UBE2E2: variants seen among roughly 807,000 people sequenced by gnomAD.
The protein encoded by UBE2E2 is ubiquitin conjugating enzyme E2 E2, also known as ubiquitin-conjugating enzyme E2 E2.
In UBE2E2, 6 loss-of-function variants were observed where a neutral mutation model predicts 24.7. That is an observed-to-expected ratio of 0.24 (90% CI 0.13 to 0.48). The LOEUF (loss-of-function observed/expected upper bound fraction) is 0.48, where lower values mean the gene tolerates loss of function less well. UBE2E2 is among the 20% of genes least tolerant of loss of function. The pLI is 0.99. For missense variants in UBE2E2, 169 were observed against 245.0 expected, an observed-to-expected ratio of 0.69 and a Z score of 2.07; for synonymous variants, 104 against 83.6, an observed-to-expected ratio of 1.24 and a Z score of -1.33.
chr3:23,248,088 A>G (rs1697462676), intron 3 of UBE2E2, among the ~76,000 whole-genome samples: 1 of 152,218 alleles, frequency 6.6e-6, no homozygotes, highest in Admixed American at 6.5e-5. Flanking sequence ...CACTATTGCA[A>G]AAGTGTAGAT....
intron 5 of UBE2E2, among the ~76,000 whole-genome samples, chr3:23,545,170 A>G (rs1389670839): frequency 6.6e-6 from 1 of 152,066 alleles, no homozygotes; most frequent in East Asian, 1.9e-4. Flanking sequence ...TGCAAGAGGC[A>G]TGCCTTCCTC....
chr3:23,508,500 A>G (rs1048091380), intron 4 of UBE2E2, among the ~76,000 whole-genome samples: 40 of 152,154 alleles, frequency 2.6e-4, no homozygotes, highest in African/African-American at 9.7e-4. Context: ...AAGGACCTTT[A>G]GTTTATTATT....
intron 3 of UBE2E2, among the ~76,000 whole-genome samples, chr3:23,251,382 A>G (rs576386777): frequency 9.2e-5 from 14 of 152,286 alleles, no homozygotes; most frequent in African/African-American, 3.4e-4. Context: ...TGTATCTCTT[A>G]TTGTAAGCCT....
intron 3 of UBE2E2, among the ~76,000 whole-genome samples, chr3:23,256,354 G>T (rs184628550): frequency 1.3e-5 from 2 of 152,080 alleles, no homozygotes; most frequent in African/African-American, 4.8e-5. Flanking sequence ...TGTCATATTT[G>T]AATACTTGGG....
intron 3 of UBE2E2, among the ~76,000 whole-genome samples, chr3:23,482,293 C>G (rs1160207108): frequency 1.3e-5 from 2 of 152,194 alleles, no homozygotes; most frequent in Admixed American, 1.3e-4. Context: ...AGGAAAATAA[C>G]TCATTTTATC....
intron 3 of UBE2E2, among the ~76,000 whole-genome samples, chr3:23,270,131 A>G (rs954289987): frequency 7.3e-6 from 1 of 136,108 alleles, no homozygotes; most frequent in Non-Finnish European, 1.6e-5. Flanking sequence ...TGTGGTCAAG[A>G]CTCTTTCCAC....
chr3:23,289,229 G>T (rs1175868960), intron 3 of UBE2E2, among the ~76,000 whole-genome samples: 2 of 152,156 alleles, frequency 1.3e-5, no homozygotes, highest in African/African-American at 4.8e-5. Flanking sequence ...TAACAAATAC[G>T]GCTAAAGTGG....
intron 4 of UBE2E2, 43 bp from the exon 5 acceptor site, chr3:23,532,510 TA>T (rs1477900104): frequency 1.4e-6 from 2 of 1,469,984 alleles, no homozygotes; most frequent in Non-Finnish European, 1.8e-6. Context: ...ATACTGTTAA[TA>T]AACACTTTGT....
chr3:23,453,662 A>C (rs1452298079), intron 3 of UBE2E2, among the ~76,000 whole-genome samples: 1 of 152,206 alleles, frequency 6.6e-6, no homozygotes, highest in Non-Finnish European at 1.5e-5. Context: ...ATAAAATATA[A>C]ATCAAGATAT....
At chr3:23,422,978 A>G (rs1303609054) in intron 3 of UBE2E2, among the ~76,000 whole-genome samples, 1 of 152,162 alleles carries the variant, frequency 6.6e-6, no homozygotes, top group Non-Finnish European at 1.5e-5. Flanking sequence ...TTCCCATACT[A>G]GGAAAGTCAG....
chr3:23,448,781 T>C (rs777948526), intron 3 of UBE2E2, among the ~76,000 whole-genome samples: 5 of 152,178 alleles, frequency 3.3e-5, no homozygotes, highest in African/African-American at 4.8e-5. Context: ...AATTGCTCTT[T>C]GGGAGCGTAG....
intron 3 of UBE2E2, among the ~76,000 whole-genome samples, chr3:23,381,871 C>T (rs975708454): frequency 1.3e-5 from 2 of 152,266 alleles, no homozygotes; most frequent in African/African-American, 4.8e-5. Context: ...TTTGAGGCTG[C>T]TTTGCCCCGG....
intron 3 of UBE2E2, among the ~76,000 whole-genome samples, chr3:23,352,605 C>T (rs1165647158): frequency 1.3e-5 from 2 of 152,162 alleles, no homozygotes; most frequent in African/African-American, 4.8e-5. Flanking sequence ...ACTACAAACA[C>T]CTCTACGCAA....
chr3:23,458,543 G>T (rs1218792631), intron 3 of UBE2E2, among the ~76,000 whole-genome samples: 1 of 151,950 alleles, frequency 6.6e-6, no homozygotes. Flanking sequence ...TCAGCCTCCC[G>T]AGTAGCTGGG....
intron 3 of UBE2E2, among the ~76,000 whole-genome samples, chr3:23,487,896 T>C (rs1165192541): frequency 6.6e-6 from 1 of 152,140 alleles, no homozygotes; most frequent in Non-Finnish European, 1.5e-5. Context: ...TGTCTTCCAC[T>C]TCCTCTGCTT....
intron 3 of UBE2E2, among the ~76,000 whole-genome samples, chr3:23,385,512 A>T (rs1696786718): frequency 6.6e-6 from 1 of 152,364 alleles, no homozygotes; most frequent in African/African-American, 2.4e-5. Flanking sequence ...TAAATTGGCT[A>T]GACTCCAGGG....
At chr3:23,505,085 T>C (rs1694409101) in intron 4 of UBE2E2, among the ~76,000 whole-genome samples, 1 of 150,234 alleles carries the variant, frequency 6.7e-6, no homozygotes, top group Admixed American at 6.6e-5. Flanking sequence ...TTTGTTTTTT[T>C]TTTTGTTTTT....
chr3:23,505,783 A>G (rs1017949265), intron 4 of UBE2E2, among the ~76,000 whole-genome samples: 2 of 152,212 alleles, frequency 1.3e-5, no homozygotes, highest in African/African-American at 4.8e-5. Context: ...ATGTCAGCTA[A>G]TGCGGAAGGC....
chr3:23,520,152 G>GT (rs1034014115), intron 4 of UBE2E2, among the ~76,000 whole-genome samples: 5 of 151,256 alleles, frequency 3.3e-5, no homozygotes, highest in African/African-American at 1.2e-4. Flanking sequence ...AGGGTGTGGG[G>GT]TTTTCATTTG....
Sources: gnomAD v4.1 joint callset for allele counts (sites outside exome capture counted in the v4.1 genomes callset) on GRCh38, gnomAD v4.1.1 for gene constraint, MANE v1.5 for transcripts, NCBI Gene and HGNC (gene_info 2026-07-23, HGNC 2026-07-21) for gene names.